Variants in PXDNL observed in about 807,000 individuals in gnomAD.
PXDNL encodes peroxidasin like.
PXDNL carries 145 observed loss-of-function variants against 150.8 expected under a neutral mutation model. The ratio of observed to expected loss-of-function variants is 0.96; its 90% CI spans 0.84 to 1.10. The LOEUF (loss-of-function observed/expected upper bound fraction) is 1.10. PXDNL is among the 50% of genes least tolerant of loss of function. PXDNL has a pLI of 0.00. For missense variants in PXDNL, 2,087 were observed against 1,873.9 expected (o/e 1.11, Z -2.10); for synonymous variants, 757 against 725.7 (o/e 1.04, Z -0.69).
intron 2 of PXDNL, among the ~76,000 whole-genome samples, chr8:51,597,786 C>T (rs1259566028): frequency 1.3e-5 from 2 of 151,444 alleles, no homozygotes; most frequent in East Asian, 3.9e-4. Flanking sequence ...GCGATCATAG[C>T]TCACCGCAAC....
intron 2 of PXDNL, among the ~76,000 whole-genome samples, chr8:51,642,628 G>A (rs562334104): frequency 2.0e-5 from 3 of 152,260 alleles, no homozygotes; most frequent in Non-Finnish European, 1.5e-5. Flanking sequence ...TTGAAAACTG[G>A]CACAAGACAG....
intron 21 of PXDNL, among the ~76,000 whole-genome samples, chr8:51,338,177 C>A (rs2130671133): frequency 8.8e-6 from 1 of 113,874 alleles, no homozygotes; most frequent in East Asian, 2.4e-4. Flanking sequence ...AGCGAGACTC[C>A]ATCTCAAAAA....
chr8:51,482,041 G>A (rs934194823), intron 6 of PXDNL, among the ~76,000 whole-genome samples: 1 of 152,160 alleles, frequency 6.6e-6, no homozygotes, highest in African/African-American at 2.4e-5. Context: ...ATCCCGGAAT[G>A]GTAGATTCAC....
At position 51,410,507 on chromosome 8, in the gene PXDNL, G is replaced by T. The variant is rs1054406546; in HGVS notation, c.2062+743C>A. Among the ~76,000 whole-genome samples, 5 of 152,164 alleles carry T rather than the reference G, an allele frequency of 3.3e-5. No individual in the cohort carries two copies. In the South Asian group the frequency reaches 8.3e-4, roughly 25 times the overall value. ...GACAGTCAAATGCCAGTTAGTTAGA[G>T]AAATTGTACAGAGCTCTAAGGGCTG... On this transcript the variant is annotated intron_variant, in intron 16 of 22. Transcript: ENST00000356297.
At chr8:51,487,918 G>T (rs1810803743) in intron 5 of PXDNL, among the ~76,000 whole-genome samples, 2 of 152,214 alleles carry the variant, frequency 1.3e-5, no homozygotes, top group Non-Finnish European at 2.9e-5. Flanking sequence ...TCTAGGCATT[G>T]TGCTGCTCCT....
intron 1 of PXDNL, among the ~76,000 whole-genome samples, chr8:51,693,005 G>A (rs1419129015): frequency 6.6e-6 from 1 of 152,162 alleles, no homozygotes; most frequent in African/African-American, 2.4e-5. Flanking sequence ...TATTCTTGCT[G>A]GAAAATTTGA....
intron 1 of PXDNL, among the ~76,000 whole-genome samples, chr8:51,777,072 C>T (rs1213789505): frequency 2.6e-5 from 4 of 152,128 alleles, no homozygotes; most frequent in African/African-American, 4.8e-5. Flanking sequence ...AAGTAAAATG[C>T]TTTAGCTACT....
chr8:51,806,765 G>C (rs1436770690), intron 1 of PXDNL, among the ~76,000 whole-genome samples: 7 of 152,028 alleles, frequency 4.6e-5, no homozygotes, highest in Non-Finnish European at 1.0e-4. Context: ...TGAAACTATG[G>C]CCCAAATCCC....
intron 10 of PXDNL, among the ~76,000 whole-genome samples, chr8:51,449,372 C>T (rs548633666): frequency 2.5e-4 from 38 of 152,298 alleles, no homozygotes; most frequent in African/African-American, 7.7e-4. Flanking sequence ...CTAAATCTTA[C>T]GGCAGCTGTT....
intron 5 of PXDNL, among the ~76,000 whole-genome samples, chr8:51,486,780 ATATATATATATATATTTTTTTTTTTTTT>A (rs1810760890): frequency 1.1e-4 from 2 of 17,800 alleles, no homozygotes; most frequent in South Asian, 2.9e-3. Context: ...ATATATATAT[ATATATATATATATATTTTTTTTTTTTTT>A]TTTTTTTTTT....
At position 51,661,606 on chromosome 8, in the gene PXDNL, C is replaced by T. The variant is rs1352138518; in HGVS notation, c.165-6846G>A. Among the ~76,000 whole-genome samples, 2 of 152,138 alleles carry T rather than the reference C, an allele frequency of 1.3e-5. 1 individual carries two copies. The highest frequency in any genetic ancestry group is 1.3e-4 in the Admixed American group (2 of 15,280). On this transcript the variant is annotated intron_variant, in intron 1 of 22. Transcript: ENST00000356297. Reference sequence around the variant, plus strand: ...GCTCTTTCCTGGGTCCCCAGCCTGCCGGCTGCCCTGAAGATATCAGAGCAG... The same window carrying T: ...GCTCTTTCCTGGGTCCCCAGCCTGCTGGCTGCCCTGAAGATATCAGAGCAG...
intron 17 of PXDNL, among the ~76,000 whole-genome samples, chr8:51,379,369 A>T (rs929930289): frequency 1.3e-5 from 2 of 152,164 alleles, no homozygotes; most frequent in African/African-American, 2.4e-5. Context: ...TTTTCAAAAA[A>T]TTTTTGGTAA....
chr8:51,471,691 G>GT (rs1810338078), intron 8 of PXDNL, among the ~76,000 whole-genome samples: 4 of 147,106 alleles, frequency 2.7e-5, no homozygotes, highest in Non-Finnish European at 6.0e-5. Context: ...TTTTTTTTTT[G>GT]GTTTTTTTTT....
chr8:51,495,311 G>A (rs1283423843), intron 5 of PXDNL, among the ~76,000 whole-genome samples: 16 of 152,066 alleles, frequency 1.1e-4, no homozygotes, highest in African/African-American at 3.9e-4. Context: ...AGCACTAAAT[G>A]CCCACAAGAG....
At chr8:51,669,993 T>C (rs1815467240) in intron 1 of PXDNL, among the ~76,000 whole-genome samples, 1 of 152,166 alleles carries the variant, frequency 6.6e-6, no homozygotes, top group Admixed American at 6.5e-5. Flanking sequence ...TCTCAGTACT[T>C]TGGGAGGCCA....
rs1236770224 is a variant in PXDNL at position 51,341,197 on chromosome 8, T to C, written c.4017-1444A>G. On this transcript the variant is annotated intron_variant, in intron 20 of 22. Coordinates refer to ENST00000356297, the MANE Select transcript of PXDNL (RefSeq NM_144651.5). ...ACAGTTGGCAAAGAAGCAAGACACA[T>C]AGCATCTGCATTAGGAAGACAAATA... is the stretch of plus-strand genomic sequence containing the variant. Among the ~76,000 whole-genome samples the C allele has an allele frequency of 2.0e-5, 3 of 152,182 alleles. No individual in the cohort carries two copies. In the East Asian group the frequency reaches 5.8e-4, roughly 29 times the overall value.
intron 1 of PXDNL, among the ~76,000 whole-genome samples, chr8:51,799,827 G>A (rs1267224998): frequency 1.3e-5 from 2 of 152,138 alleles, no homozygotes; most frequent in Non-Finnish European, 2.9e-5. Context: ...TAGAGAGATG[G>A]AGATCTTTGT....
chr8:51,507,846 C>T (rs1196370503), intron 4 of PXDNL, among the ~76,000 whole-genome samples: 1 of 152,090 alleles, frequency 6.6e-6, no homozygotes, highest in Non-Finnish European at 1.5e-5. Flanking sequence ...GGGCCAGCCC[C>T]ACAACATTAC....
In PXDNL at chr8:51,783,709, T is replaced by C. The variant is rs559996626; in HGVS notation, c.164+25472A>G. Among the ~76,000 whole-genome samples, 119 of 152,182 alleles carry C rather than the reference T, an allele frequency of 7.8e-4. 2 individuals are homozygous for C. The highest frequency in any genetic ancestry group is 7.1e-4 in the Non-Finnish European group (48 of 68,042). ...ATCTAAATTTGGGGGAAAGGTGATC[T>C]CTAAGCAACAGGGAGAAATTCCATG... On this transcript the variant is annotated intron_variant, in intron 1 of 22. Coordinates refer to ENST00000356297, the MANE Select transcript of PXDNL (RefSeq NM_144651.5).
Sources: gnomAD v4.1 joint callset for allele counts (sites outside exome capture counted in the v4.1 genomes callset) on GRCh38, gnomAD v4.1.1 for gene constraint, MANE v1.5 for transcripts, NCBI Gene and HGNC (gene_info 2026-07-23, HGNC 2026-07-21) for gene names.